Variants in APOLD1 observed in about 807,000 individuals in gnomAD.
APOLD1 encodes the protein apolipoprotein L domain-containing protein 1.
Under a neutral mutation model 15.3 loss-of-function variants are expected in APOLD1, and 22 were observed. The observed-to-expected ratio is 1.44, with a 90% CI of 1.03 to 2.05. The LOEUF is 2.05. Ranked by LOEUF, APOLD1 falls within the 30% of genes most tolerant of loss-of-function variation. The pLI is 0.00. For missense variants in APOLD1, 394 were observed against 353.5 expected (o/e 1.11, Z -0.92); for synonymous variants, 190 against 167.4 (o/e 1.13, Z -1.04).
intron 1 of APOLD1, among the ~76,000 whole-genome samples, chr12:12,740,195 A>G (rs553624045): frequency 1.3e-3 from 200 of 152,100 alleles, no homozygotes; most frequent in Non-Finnish European, 2.5e-3. Flanking sequence ...GTTAGCCAGG[A>G]TGGTCTTGAT....
At chr12:12,729,902 C>T (rs1049300487) in intron 1 of APOLD1, among the ~76,000 whole-genome samples, 5 of 151,932 alleles carry the variant, frequency 3.3e-5, no homozygotes, top group Non-Finnish European at 5.9e-5. Context: ...AGGTCTCACT[C>T]TGTTACCTAG....
intron 1 of APOLD1, among the ~76,000 whole-genome samples, chr12:12,741,662 AC>A (rs1253759785): frequency 6.6e-6 from 1 of 152,236 alleles, no homozygotes; most frequent in Non-Finnish European, 1.5e-5. Flanking sequence ...GAAAAACAAA[AC>A]AAAACAAGAC....
At chr12:12,733,688 C>T (rs113243378) in intron 1 of APOLD1, among the ~76,000 whole-genome samples, 24,196 of 152,108 alleles carry the variant, frequency 0.16, 2,160 homozygotes, top group Admixed American at 0.26. Context: ...CTGCAACCTT[C>T]GCCTCCTGGG....
In APOLD1 at chr12:12,788,638, G is replaced by C. The variant is rs1238402831; in HGVS notation, c.*986G>C. Reference sequence around the variant, plus strand: ...CATCACCCAGGAACTTGTTAGAAAGGCAAATTCTTGGACACAACCCTCCTG... The same window carrying C: ...CATCACCCAGGAACTTGTTAGAAAGCCAAATTCTTGGACACAACCCTCCTG... On this transcript the variant is annotated 3_prime_UTR_variant, in exon 2 of 2. Coordinates refer to ENST00000356591, the MANE Select transcript of APOLD1 (RefSeq NM_030817.3). The C allele has an allele frequency of 6.6e-6, 1 of 152,190 alleles. No homozygotes were observed. The highest frequency in any genetic ancestry group is 1.5e-5 in the Non-Finnish European group (1 of 68,038). The allele number at this position is 152,190 out of a possible 1,614,324, so 9.4% of individuals were successfully genotyped here.
chr12:12,781,671 G>A (rs1346441468), upstream of APOLD1, among the ~76,000 whole-genome samples: 1 of 151,362 alleles, frequency 6.6e-6, no homozygotes, highest in Non-Finnish European at 1.5e-5. Flanking sequence ...GGGACTACAG[G>A]CGCCTGCCAC....
intron 1 of APOLD1, among the ~76,000 whole-genome samples, chr12:12,750,920 A>G (rs565338346): frequency 2.0e-5 from 3 of 150,140 alleles, no homozygotes; most frequent in African/African-American, 7.3e-5. Flanking sequence ...GACTATAGGC[A>G]TGGGCTACTG....
chr12:12,751,012 C>A (rs572436369), intron 1 of APOLD1, among the ~76,000 whole-genome samples: 18 of 151,254 alleles, frequency 1.2e-4, no homozygotes, highest in African/African-American at 4.1e-4. Context: ...TGTTGTTGAA[C>A]TCCTGGGCTC....
chr12:12,744,642 T>TTA (rs1181747564), intron 1 of APOLD1, among the ~76,000 whole-genome samples: 1 of 152,148 alleles, frequency 6.6e-6, no homozygotes, highest in Non-Finnish European at 1.5e-5. Flanking sequence ...GGCAGGTGAT[T>TTA]TATTTGTCCA....
At chr12:12,775,609 AC>A (rs1167714919) in intron 1 of APOLD1, among the ~76,000 whole-genome samples, 2 of 152,198 alleles carry the variant, frequency 1.3e-5, no homozygotes, top group Admixed American at 6.5e-5. Context: ...AAATAGTCTA[AC>A]AAAGCAAGTT....
At chr12:12,731,143 A>G (rs1020440506) in intron 1 of APOLD1, among the ~76,000 whole-genome samples, 1 of 151,874 alleles carries the variant, frequency 6.6e-6, no homozygotes, top group Admixed American at 6.6e-5. Flanking sequence ...GCCATCTCAA[A>G]AAAACAAACA....
chr12:12,736,805 C>G (rs1416666837), intron 1 of APOLD1, among the ~76,000 whole-genome samples: 1 of 152,110 alleles, frequency 6.6e-6, no homozygotes, highest in African/African-American at 2.4e-5. Context: ...GGGATGTGGT[C>G]ACAAGTGGTA....
rs1309898232 is a variant in APOLD1 at position 12,789,571 on chromosome 12, G to A, written c.*1919G>A. On this transcript the variant is annotated 3_prime_UTR_variant, in exon 2 of 2. Coordinates refer to ENST00000356591, the MANE Select transcript of APOLD1 (RefSeq NM_030817.3). ...ACTTGCAAGCCTGATGTCCTATCAA[G>A]TTATGTCTTCTGGGTGACAGACAAA... is the stretch of plus-strand genomic sequence containing the variant. The A allele has an allele frequency of 6.6e-6, 1 of 152,246 alleles. No homozygotes were observed. The highest frequency in any genetic ancestry group is 1.5e-5 in the Non-Finnish European group (1 of 68,040). The allele number at this position is 152,246 out of a possible 1,614,324, so 9.4% of individuals were successfully genotyped here.
chr12:12,785,468 A>G, upstream of APOLD1: 3 of 627,326 alleles, frequency 4.8e-6, no homozygotes, highest in Non-Finnish European at 8.2e-6. Context: ...GAAAGCGAAC[A>G]CACAATGTTC....
At chr12:12,731,713 A>C (rs548570341) in intron 1 of APOLD1, among the ~76,000 whole-genome samples, 2 of 152,354 alleles carry the variant, frequency 1.3e-5, no homozygotes, top group South Asian at 4.1e-4. Context: ...CATATACAGA[A>C]TATATAAATA....
upstream of APOLD1, among the ~76,000 whole-genome samples, chr12:12,784,937 A>G (rs1947112221): frequency 6.6e-6 from 1 of 152,214 alleles, no homozygotes; most frequent in African/African-American, 2.4e-5. Flanking sequence ...GCTACTTCAA[A>G]TGAAAACCTG....
At chr12:12,756,683 C>T (rs1946859575) in intron 1 of APOLD1, among the ~76,000 whole-genome samples, 1 of 152,236 alleles carries the variant, frequency 6.6e-6, no homozygotes, top group Non-Finnish European at 1.5e-5. Flanking sequence ...CTCTTCTCCC[C>T]TGTCCCCTGG....
chr12:12,774,142 G>T (rs1947009884), intron 1 of APOLD1, among the ~76,000 whole-genome samples: 1 of 152,156 alleles, frequency 6.6e-6, no homozygotes, highest in South Asian at 2.1e-4. Context: ...ACTGTGAATT[G>T]AATGAAAAGG....
intron 1 of APOLD1, among the ~76,000 whole-genome samples, chr12:12,733,711 T>C (rs896814750): frequency 6.6e-5 from 10 of 152,192 alleles, no homozygotes; most frequent in Admixed American, 2.0e-4. Flanking sequence ...CAAGCAATTC[T>C]CCTGCCTCAG....
intron 1 of APOLD1, among the ~76,000 whole-genome samples, chr12:12,749,968 A>G (rs1946797295): frequency 3.9e-5 from 6 of 152,176 alleles, no homozygotes; most frequent in Admixed American, 3.9e-4. Flanking sequence ...GAGGCCCTGA[A>G]GGAAATGCCC....
Sources: gnomAD v4.1 joint callset for allele counts (sites outside exome capture counted in the v4.1 genomes callset) on GRCh38, gnomAD v4.1.1 for gene constraint, MANE v1.5 for transcripts, NCBI Gene and HGNC (gene_info 2026-07-23, HGNC 2026-07-21) for gene names.